Variants in MOBP observed in about 807,000 individuals in gnomAD.
MOBP encodes myelin-associated oligodendrocyte basic protein.
A neutral mutation model predicts 15.0 loss-of-function variants in MOBP; 5 were observed. That is an observed-to-expected ratio of 0.33 (90% CI 0.17 to 0.70). The LOEUF is 0.70. Among genes scored for constraint, MOBP ranks in the 30% least tolerant of loss-of-function variants. MOBP has a pLI of 0.67. For missense variants in MOBP, 188 were observed against 257.8 expected (o/e 0.73, Z 1.85); for synonymous variants, 88 against 99.0 (o/e 0.89, Z 0.66).
At chr3:39,519,857 G>T (rs661366), downstream of MOBP, among the ~76,000 whole-genome samples, 46,263 of 151,408 alleles carry the variant, frequency 0.31, 9,213 homozygotes, top group African/African-American at 0.57. Flanking sequence ...GCCTCCCCAT[G>T]CCCCTCCAAA....
rs1559411926 is a variant in MOBP at position 39,469,026 on chromosome 3, A to ATATATACATATATACATGTGTG, written c.-89+1292_-89+1293insCATATATACATGTGTGTATATA. ...TATATACATATATACATATGTGTGT[A>ATATATACATATATACATGTGTG]TATATATACATATATACATATGTGT... On this transcript the variant is annotated intron_variant, in intron 1 of 3. Transcript: ENST00000684792. Among the ~76,000 whole-genome samples, 36 of 40,522 alleles carry ATATATACATATATACATGTGTG rather than the reference A, an allele frequency of 8.9e-4. 2 individuals carry two copies. The highest frequency in any genetic ancestry group is 2.8e-3 in the South Asian group (4 of 1,428). 26.6% of individuals were successfully genotyped at this position (40,522 alleles called of 152,430 possible). A position where few individuals can be genotyped will look rare whatever the true frequency, so the allele number is the denominator to read the frequency against.
chr3:39,515,648 C>G (rs574432140), exon 5 of MOBP: 2 of 152,288 alleles, frequency 1.3e-5, no homozygotes, highest in South Asian at 4.1e-4. Context: ...GTGATATATT[C>G]TCAGTGCTTG....
intron 1 of MOBP, among the ~76,000 whole-genome samples, chr3:39,472,922 G>A (rs570136): frequency 0.27 from 41,527 of 151,928 alleles, 7,219 homozygotes; most frequent in African/African-American, 0.49. Flanking sequence ...TCGAAAAGAA[G>A]ACTGGGACTC....
intron 2 of MOBP, among the ~76,000 whole-genome samples, chr3:39,497,950 A>G (rs762660082): frequency 6.6e-5 from 10 of 152,340 alleles, no homozygotes; most frequent in Non-Finnish European, 1.2e-4. Flanking sequence ...TACAGCTGGA[A>G]TTTGCCTATT....
rs955909649 is a variant in MOBP, at chr3:39,487,802, G to T, written c.-5+7679G>T. On this transcript the variant is annotated intron_variant, in intron 2 of 3. Coordinates refer to ENST00000684792, the MANE Select transcript of MOBP (RefSeq NM_001393704.1). ...CTCCCAAAGTGCTGGGATTACAGGTGTGAGCCACCGCGCCCGGCCCCAGAA... is the reference window on the plus strand; with the variant it reads ...CTCCCAAAGTGCTGGGATTACAGGTTTGAGCCACCGCGCCCGGCCCCAGAA... 4.6e-5 allele frequency among the ~76,000 whole-genome samples: 7 copies of T among 152,082 alleles called. No homozygotes were observed. In the East Asian group the frequency reaches 1.3e-3, roughly 29 times the overall value.
At chr3:39,513,445 T>C (rs1159365209) in exon 5 of MOBP, 39 of 1,612,584 alleles carry the variant, frequency 2.4e-5, no homozygotes, top group Non-Finnish European at 3.1e-5. Context: ...TTAAACTGAA[T>C]GAACAACCTC....
Position 39,502,389 on chromosome 3 carries a change from G to A in MOBP, c.206+114G>A, listed in dbSNP as rs2042985160. On this transcript the variant is annotated intron_variant, in intron 3 of 3. Coordinates refer to ENST00000684792, the MANE Select transcript of MOBP (RefSeq NM_001393704.1). This position sits in a 1 kb window ranked among gnomAD's most constrained non-coding sequence, Gnocchi z 6.3. ...TTCCCCCTAGTCGGCTCCGGGTTAG[G>A]CTCCGACACCGGAAGGCACTCCAGG... The A allele has an allele frequency of 6.5e-7, 1 of 1,543,466 alleles. No homozygotes were observed. The highest frequency in any genetic ancestry group is 1.4e-5 in the African/African-American group (1 of 73,810).
intron 2 of MOBP, among the ~76,000 whole-genome samples, chr3:39,489,828 C>T (rs375182948): frequency 3.3e-5 from 5 of 152,146 alleles, no homozygotes; most frequent in Admixed American, 2.6e-4. Context: ...CTGGCCACTC[C>T]GAGTTTCTGC....
intron 3 of MOBP, among the ~76,000 whole-genome samples, chr3:39,522,581 G>A (rs1201526201): frequency 1.3e-5 from 2 of 152,238 alleles, no homozygotes; most frequent in East Asian, 3.9e-4. Flanking sequence ...TATGGACTTG[G>A]CTTACTTTCT....
chr3:39,502,511 TC>T lies in MOBP; in HGVS notation c.207-22del. On this transcript the variant is annotated intron_variant, in intron 3 of 3. Coordinates refer to ENST00000684792, the MANE Select transcript of MOBP (RefSeq NM_001393704.1). The surrounding 1 kb of genome is among the most constrained non-coding windows in gnomAD (Gnocchi z 6.3). ...GCAGAGGAGAGCCCTGGCTCCCGCC[TC>T]CAGCTTCTTTTGGCCCTCTCAGAAC... 6.4e-7 allele frequency: 1 copy of T among 1,564,728 alleles called. No individual in the cohort carries two copies. Among genetic ancestry groups the T allele is most frequent in the Non-Finnish European group, 8.6e-7 (1 of 1,163,780 alleles).
chr3:39,527,442 T>TC (rs1351710388), downstream of MOBP: 3 of 73,822 alleles, frequency 4.1e-5, no homozygotes, highest in African/African-American at 2.9e-4. Context: ...TTCTTTTCCT[T>TC]TTTTTTTTTT....
chr3:39,478,330 T>C (rs2042571235), intron 1 of MOBP, among the ~76,000 whole-genome samples: 1 of 152,236 alleles, frequency 6.6e-6, no homozygotes, highest in Non-Finnish European at 1.5e-5. Context: ...TACAGTTACA[T>C]ACTGTGCAGG....
Position 39,502,963 on chromosome 3 carries a change from C to A in MOBP, c.*83C>A. On this transcript the variant is annotated 3_prime_UTR_variant, in exon 4 of 4. Coordinates refer to ENST00000684792, the MANE Select transcript of MOBP (RefSeq NM_001393704.1). This position sits in a 1 kb window ranked among gnomAD's most constrained non-coding sequence, Gnocchi z 6.3. Reference sequence around the variant, plus strand: ...ACTAACACCGGGCTGTCTCCATGGCCCTCTTCAGCCTTATTACCCAACCTG... The same window carrying A: ...ACTAACACCGGGCTGTCTCCATGGCACTCTTCAGCCTTATTACCCAACCTG... 1.5e-6 allele frequency: 1 copy of A among 658,434 alleles called. No homozygotes were observed. Among genetic ancestry groups the A allele is most frequent in the Non-Finnish European group, 2.6e-6 (1 of 390,794 alleles). The allele number at this position is 658,434 out of a possible 1,614,324, so 40.8% of individuals were successfully genotyped here.
At chr3:39,513,549 C>A in exon 5 of MOBP, 1 of 960,060 alleles carries the variant, frequency 1.0e-6, no homozygotes, top group Non-Finnish European at 1.6e-6. Flanking sequence ...GCTGATGTGG[C>A]AACTGCTGAT....
chr3:39,469,230 A>ATGTGTGTGTG lies in MOBP; in HGVS notation c.-89+1491_-89+1492insGTGTGTGTGT, dbSNP rs1559412378. ...CATGTGTGTGTATATACATATATAC[A>ATGTGTGTGTG]TATGTGTGTGTATATATACATATAT... is the stretch of plus-strand genomic sequence containing the variant. On this transcript the variant is annotated intron_variant, in intron 1 of 3. Transcript: ENST00000684792. Among the ~76,000 whole-genome samples, 24 of 122,116 alleles carry ATGTGTGTGTG rather than the reference A, an allele frequency of 2.0e-4. 1 individual carries two copies. In the East Asian group the frequency reaches 4.8e-3, roughly 25 times the overall value. The allele number at this position is 122,116 out of a possible 152,430, so 80.1% of individuals were successfully genotyped here. A position where few individuals can be genotyped will look rare whatever the true frequency, so the allele number is the denominator to read the frequency against.
downstream of MOBP, among the ~76,000 whole-genome samples, chr3:39,517,368 G>A (rs1008575780): frequency 2.0e-5 from 3 of 152,064 alleles, no homozygotes; most frequent in Admixed American, 1.3e-4. Context: ...ACCATGATGC[G>A]GCAGCCTAGA....
chr3:39,526,699 G>A (rs2043326776), downstream of MOBP: 1 of 151,164 alleles, frequency 6.6e-6, no homozygotes, highest in Admixed American at 6.6e-5. Flanking sequence ...GGGTCTCTGG[G>A]TAAAAAGGCC....
At chr3:39,496,381 A>G (rs1447184013) in intron 2 of MOBP, among the ~76,000 whole-genome samples, 1 of 149,950 alleles carries the variant, frequency 6.7e-6, no homozygotes, top group Non-Finnish European at 1.5e-5. Context: ...TTGTATTTTC[A>G]GTAGAGACGG....
intron 4 of MOBP, among the ~76,000 whole-genome samples, chr3:39,510,003 G>A (rs1023912917): frequency 1.3e-5 from 2 of 152,004 alleles, no homozygotes; most frequent in African/African-American, 4.8e-5. Flanking sequence ...ATGGTGTGAC[G>A]TATGAATTGA....
Sources: allele counts gnomAD v4.1 joint callset (sites outside exome capture counted in the v4.1 genomes callset), GRCh38; gene constraint gnomAD v4.1.1; non-coding constraint Gnocchi (gnomAD v3.1); transcripts MANE v1.5; gene names NCBI Gene and HGNC (gene_info 2026-07-23, HGNC 2026-07-21).